SVOP: variants seen among roughly 807,000 people sequenced by gnomAD.
SVOP encodes the protein synaptic vesicle 2-related protein.
In SVOP, 17 loss-of-function variants were observed where a neutral mutation model predicts 69.1. That is an observed-to-expected ratio of 0.25 (90% CI 0.17 to 0.37). The LOEUF (loss-of-function observed/expected upper bound fraction) is 0.37. Among genes scored for constraint, SVOP ranks in the 10% least tolerant of loss-of-function variants. The probability of loss-of-function intolerance (pLI) is 1.00; values close to 1 mark genes in which losing one functional copy is unlikely to be tolerated. For missense variants in SVOP, 435 were observed against 597.5 expected (o/e 0.73, Z 2.84); for synonymous variants, 238 against 238.6 (o/e 1.00, Z 0.02).
intron 14 of SVOP, among the ~76,000 whole-genome samples, chr12:108,916,280 C>G (rs1294302740): frequency 6.6e-6 from 1 of 152,170 alleles, no homozygotes; most frequent in East Asian, 1.9e-4. Flanking sequence ...CAGTTTGTAC[C>G]CAGTAGGGGC....
chr12:109,005,960 G>A (rs886434440), intron 1 of SVOP, among the ~76,000 whole-genome samples: 1 of 152,156 alleles, frequency 6.6e-6, no homozygotes, highest in South Asian at 2.1e-4. Flanking sequence ...GCAGCAAGAG[G>A]GTGGAAGATG....
chr12:108,916,513 T>TG (rs2039714667), intron 14 of SVOP, among the ~76,000 whole-genome samples: 1 of 152,182 alleles, frequency 6.6e-6, no homozygotes, highest in Non-Finnish European at 1.5e-5. Flanking sequence ...GTAGGATGTT[T>TG]GGCAGCATCC....
intron 6 of SVOP, among the ~76,000 whole-genome samples, chr12:108,959,034 C>T (rs934766928): frequency 2.6e-5 from 4 of 152,182 alleles, no homozygotes; most frequent in Admixed American, 6.5e-5. Context: ...TCCCCAGGAT[C>T]CCATCCTAGA....
At position 108,922,697 on chromosome 12, in the gene SVOP, C is replaced by T. The variant is rs750356632; in HGVS notation, c.1149G>A (p.Glu383=). The T allele has an allele frequency of 1.4e-5, 22 of 1,607,794 alleles. No homozygotes were observed. The highest frequency in any genetic ancestry group is 6.8e-5 in the Admixed American group (4 of 59,166). ...CTTGCACAGGTCCCTCACCTGGAAA[C>T]TCAGAGAGGGTGGTCCACAGCAAGT... ...YMDLLWTTLS[E]FPGVLVTLWI... is the part of the protein sequence containing the mutation. Residue 383 remains glutamate, a synonymous_variant, in exon 12 of 16, where the codon GAG becomes GAA. Transcript: ENST00000610966.
intron 1 of SVOP, among the ~76,000 whole-genome samples, chr12:108,988,571 C>T (rs566139236): frequency 1.3e-5 from 2 of 152,110 alleles, no homozygotes; most frequent in Non-Finnish European, 2.9e-5. Context: ...GCTCTTGATT[C>T]TATTCCATTG....
chr12:108,919,092 A>T (rs2039732337), intron 13 of SVOP, among the ~76,000 whole-genome samples: 1 of 146,088 alleles, frequency 6.8e-6, no homozygotes, highest in Non-Finnish European at 1.5e-5. Context: ...CTACACTCAC[A>T]CCTGGGTCTG....
chr12:108,957,453 C>T (rs1593190646), intron 6 of SVOP, among the ~76,000 whole-genome samples: 2 of 152,110 alleles, frequency 1.3e-5, no homozygotes. Context: ...CGTGAGCCAC[C>T]GTGCCCGGAC....
At chr12:109,017,674 C>T (rs2040375088) in intron 1 of SVOP, among the ~76,000 whole-genome samples, 1 of 152,070 alleles carries the variant, frequency 6.6e-6, no homozygotes, top group Admixed American at 6.6e-5. Context: ...CTCAGCCTCC[C>T]AAGTAGCTGG....
In SVOP at chr12:108,934,177, G is replaced by C. The variant is rs933766714; in HGVS notation, c.1048+18C>G. On this transcript the variant is annotated intron_variant, in intron 11 of 15. Coordinates refer to ENST00000610966, the MANE Select transcript of SVOP (RefSeq NM_018711.5). ...GGTGTGGGAGTAGTTAGCTGGCAAA[G>C]ACAACCAAGATACTCACTGCCGCAG... 6.3e-6 allele frequency: 10 copies of C among 1,590,640 alleles called. No individual in the cohort carries two copies. Among genetic ancestry groups the C allele is most frequent in the South Asian group, 1.2e-5 (1 of 86,888 alleles).
chr12:108,965,725 C>T (rs948053977), intron 5 of SVOP, among the ~76,000 whole-genome samples: 1 of 152,044 alleles, frequency 6.6e-6, no homozygotes, highest in East Asian at 1.9e-4. Context: ...CCAAATGTGG[C>T]CTGTGGTATT....
intron 14 of SVOP, among the ~76,000 whole-genome samples, chr12:108,916,998 C>T (rs2039718066): frequency 6.6e-6 from 1 of 152,240 alleles, no homozygotes; most frequent in Non-Finnish European, 1.5e-5. Context: ...CCACCTGCCT[C>T]GGCCTCCCGA....
intron 5 of SVOP, among the ~76,000 whole-genome samples, chr12:108,963,001 G>T (rs1003892061): frequency 1.3e-5 from 2 of 151,746 alleles, no homozygotes; most frequent in Non-Finnish European, 2.9e-5. Context: ...GACAAACATG[G>T]CACATATTCC....
At chr12:108,934,546 G>A (rs1322544262) in intron 10 of SVOP, among the ~76,000 whole-genome samples, 3 of 152,194 alleles carry the variant, frequency 2.0e-5, no homozygotes, top group Non-Finnish European at 2.9e-5. Context: ...ATAGGGGTTG[G>A]GTAAATGAAG....
chr12:108,969,151 AG>A (rs2040063737), intron 5 of SVOP, among the ~76,000 whole-genome samples: 1 of 152,110 alleles, frequency 6.6e-6, no homozygotes, highest in Non-Finnish European at 1.5e-5. Flanking sequence ...ACAGCTTTAC[AG>A]TTCTTTTAAC....
At chr12:108,978,078 GGGGGAAATGTTGT>G in intron 3 of SVOP, among the ~76,000 whole-genome samples, 1 of 152,248 alleles carries the variant, frequency 6.6e-6, no homozygotes, top group South Asian at 2.1e-4. Context: ...TCCAATTAGG[GGGGGAAATGTTGT>G]GGGGAAATTG....
At chr12:108,984,649 A>G (rs1299424682) in intron 1 of SVOP, among the ~76,000 whole-genome samples, 1 of 152,176 alleles carries the variant, frequency 6.6e-6, no homozygotes, top group African/African-American at 2.4e-5. Context: ...CTTATGCAAT[A>G]TGTCCTTCAA....
intron 1 of SVOP, among the ~76,000 whole-genome samples, chr12:109,009,137 T>C (rs557146008): frequency 1.3e-5 from 2 of 151,658 alleles, no homozygotes; most frequent in African/African-American, 2.4e-5. Flanking sequence ...AATTTTTATA[T>C]TTTTAGTAGA....
rs778435523 is a variant in SVOP at position 108,912,531 on chromosome 12, G to A, written c.*4C>T. 1.2e-6 allele frequency: 2 copies of A among 1,613,646 alleles called. No individual in the cohort carries two copies. Among genetic ancestry groups the A allele is most frequent in the African/African-American group, 2.7e-5 (2 of 74,916 alleles). Reference sequence around the variant, plus strand: ...CAAAGACCAGCTCAGTCCCCCATCGGTCACTATTCCTGAGAGCCAGAGTTC... The same window carrying A: ...CAAAGACCAGCTCAGTCCCCCATCGATCACTATTCCTGAGAGCCAGAGTTC... On this transcript the variant is annotated 3_prime_UTR_variant, in exon 16 of 16. Transcript: ENST00000610966.
chr12:108,927,391 T>C (rs2039786715), intron 11 of SVOP, among the ~76,000 whole-genome samples: 1 of 152,204 alleles, frequency 6.6e-6, no homozygotes, highest in East Asian at 1.9e-4. Flanking sequence ...TAATTTTATA[T>C]TTGTACGAGA....
Sources: allele counts gnomAD v4.1 joint callset (sites outside exome capture counted in the v4.1 genomes callset), GRCh38; gene constraint gnomAD v4.1.1; transcripts MANE v1.5; gene names NCBI Gene and HGNC (gene_info 2026-07-23, HGNC 2026-07-21).